The following CDH18 variants were observed in gnomAD, a reference collection of about 807,000 sequenced individuals.
The protein encoded by CDH18 is cadherin-18.
In CDH18, 31 loss-of-function variants were observed where a neutral mutation model predicts 67.9. The ratio of observed to expected loss-of-function variants is 0.46; its 90% confidence interval spans 0.34 to 0.62. CDH18 has a LOEUF of 0.62. Among genes scored for constraint, CDH18 ranks in the 20% least tolerant of loss-of-function variants. The pLI, the probability that CDH18 is intolerant of heterozygous loss-of-function variation, is 0.01. For synonymous variants in CDH18, 362 were observed against 347.2 expected (o/e 1.04, Z -0.48); for missense variants, 890 against 975.5 (o/e 0.91, Z 1.17).
At chr5:19,853,343 T>C (rs537006693) in intron 2 of CDH18, among the ~76,000 whole-genome samples, 1 of 152,248 alleles carries the variant, frequency 6.6e-6, no homozygotes, top group East Asian at 1.9e-4. Context: ...AGCAGACTGA[T>C]CTTATGACTT....
chr5:19,964,045 C>A (rs1267290975), intron 2 of CDH18, among the ~76,000 whole-genome samples: 4 of 151,984 alleles, frequency 2.6e-5, no homozygotes, highest in African/African-American at 9.7e-5. Context: ...ATGGGAATTA[C>A]AATTTAAGAT....
intron 2 of CDH18, among the ~76,000 whole-genome samples, chr5:20,074,246 G>C (rs370047084): frequency 4.6e-5 from 7 of 151,974 alleles, no homozygotes; most frequent in Admixed American, 3.9e-4. Flanking sequence ...GCCTGTTACC[G>C]TAATATCTAA....
chr5:20,493,563 TTA>T (rs1753722218), intron 1 of CDH18, among the ~76,000 whole-genome samples: 1 of 151,802 alleles, frequency 6.6e-6, no homozygotes, highest in Non-Finnish European at 1.5e-5. Context: ...CTGGAGAGCT[TTA>T]GAGTGACAAC....
At chr5:19,631,667 T>TA (rs1433112534) in intron 5 of CDH18, among the ~76,000 whole-genome samples, 24 of 75,714 alleles carry the variant, frequency 3.2e-4, no homozygotes, top group African/African-American at 1.0e-3. Flanking sequence ...GATAATAATG[T>TA]AATTTTGAAC....
intron 2 of CDH18, among the ~76,000 whole-genome samples, chr5:19,944,278 G>A (rs963983306): frequency 1.3e-5 from 2 of 151,918 alleles, no homozygotes; most frequent in African/African-American, 2.4e-5. Flanking sequence ...CATTTTACCA[G>A]AAATAGAAAC....
intron 7 of CDH18, among the ~76,000 whole-genome samples, chr5:19,583,703 C>T (rs1743645896): frequency 6.6e-6 from 1 of 152,150 alleles, no homozygotes; most frequent in African/African-American, 2.4e-5. Context: ...ATTAGACAGA[C>T]ATAGCTTAGA....
chr5:19,712,624 G>A (rs558622328), intron 5 of CDH18, among the ~76,000 whole-genome samples: 1 of 142,722 alleles, frequency 7.0e-6, no homozygotes, highest in Non-Finnish European at 1.5e-5. Context: ...ATAGAAGTAA[G>A]TATGAGCTTA....
chr5:19,950,283 CA>C (rs1313987602), intron 2 of CDH18, among the ~76,000 whole-genome samples: 2 of 151,942 alleles, frequency 1.3e-5, no homozygotes, highest in Non-Finnish European at 2.9e-5. Flanking sequence ...GGAAACCAAA[CA>C]TCGTTATGTT....
chr5:19,781,546 T>A (rs1775114530), intron 3 of CDH18, among the ~76,000 whole-genome samples: 1 of 152,186 alleles, frequency 6.6e-6, no homozygotes, highest in South Asian at 2.1e-4. Flanking sequence ...TATTGAGGAA[T>A]AAGTTCTAAC....
At chr5:19,945,003 C>T (rs1441317406) in intron 2 of CDH18, among the ~76,000 whole-genome samples, 3 of 152,140 alleles carry the variant, frequency 2.0e-5, no homozygotes, top group East Asian at 1.9e-4. Context: ...TGACAAAGAA[C>T]GGAGTAGCCC....
chr5:19,845,032 A>C (rs966869514), intron 2 of CDH18, among the ~76,000 whole-genome samples: 1 of 152,204 alleles, frequency 6.6e-6, no homozygotes, highest in Non-Finnish European at 1.5e-5. Context: ...CCTTACTAAG[A>C]AGACATGCAC....
chr5:19,655,447 A>G (rs1756222834), intron 5 of CDH18, among the ~76,000 whole-genome samples: 1 of 151,700 alleles, frequency 6.6e-6, no homozygotes, highest in South Asian at 2.1e-4. Context: ...ATATATATTT[A>G]AAATAAGGAA....
At chr5:19,886,355 G>A (rs1788196835) in intron 2 of CDH18, 1 of 152,148 alleles carries the variant, frequency 6.6e-6, no homozygotes, top group African/African-American at 2.4e-5. Context: ...ATGCAGTAGA[G>A]GAGATTGCAT....
intron 1 of CDH18, among the ~76,000 whole-genome samples, chr5:20,329,369 A>C (rs948606205): frequency 9.9e-5 from 15 of 152,216 alleles, no homozygotes; most frequent in African/African-American, 3.1e-4. Flanking sequence ...TGATCAAACT[A>C]GACATGGCCA....
intron 2 of CDH18, among the ~76,000 whole-genome samples, chr5:20,214,871 A>G (rs919929200): frequency 1.3e-5 from 2 of 152,068 alleles, no homozygotes; most frequent in African/African-American, 4.8e-5. Flanking sequence ...GCGCTTCTTC[A>G]CAGCAAAAGA....
intron 3 of CDH18, among the ~76,000 whole-genome samples, chr5:19,760,673 G>A (rs886820347): frequency 1.3e-5 from 2 of 152,066 alleles, no homozygotes; most frequent in African/African-American, 2.4e-5. Context: ...ATAAATTAGA[G>A]AACTCAAACA....
At chr5:20,314,598 A>G (rs1737295359) in intron 1 of CDH18, among the ~76,000 whole-genome samples, 1 of 152,066 alleles carries the variant, frequency 6.6e-6, no homozygotes, top group Non-Finnish European at 1.5e-5. Context: ...ACTAAGAACT[A>G]CTAGCATGGA....
chr5:20,241,905 T>TATATATATATATATACATATAA (rs369967608), intron 2 of CDH18, among the ~76,000 whole-genome samples: 38 of 141,446 alleles, frequency 2.7e-4, no homozygotes, highest in African/African-American at 1.1e-3. Flanking sequence ...TATATATATA[T>TATATATATATATATACATATAA]ATATTGCTTA....
intron 3 of CDH18, among the ~76,000 whole-genome samples, chr5:19,781,691 G>A (rs1027238600): frequency 6.6e-6 from 1 of 151,994 alleles, no homozygotes; most frequent in African/African-American, 2.4e-5. Context: ...CTCAACGTTA[G>A]AGTTTCTAGC....
Sources: gnomAD v4.1 joint callset for allele counts (sites outside exome capture counted in the v4.1 genomes callset) on GRCh38, gnomAD v4.1.1 for gene constraint, MANE v1.5 for transcripts, NCBI Gene and HGNC (gene_info 2026-07-23, HGNC 2026-07-21) for gene names.